The following PAFAH1B1 variants were observed in gnomAD, a reference collection of about 807,000 sequenced individuals.
The protein encoded by PAFAH1B1 is platelet activating factor acetylhydrolase 1b regulatory subunit 1.
A neutral mutation model predicts 57.5 loss-of-function variants in PAFAH1B1; 2 were observed. The ratio of observed to expected loss-of-function variants is 0.03; its 90% CI spans 0.01 to 0.11. The LOEUF (loss-of-function observed/expected upper bound fraction) is 0.11. Among genes scored for constraint, PAFAH1B1 ranks in the 10% least tolerant of loss-of-function variants. PAFAH1B1 has a pLI of 1.00. For synonymous variants in PAFAH1B1, 152 were observed against 169.6 expected (o/e 0.90, Z 0.81); for missense variants, 257 against 512.0 (o/e 0.50, Z 4.81).
At chr17:2,675,418 ATCTTC>A (rs999383529) in intron 8 of PAFAH1B1, among the ~76,000 whole-genome samples, 54 of 152,262 alleles carry the variant, frequency 3.5e-4, no homozygotes, top group African/African-American at 1.3e-3. Flanking sequence ...TTCTAAATGA[ATCTTC>A]TCTTGTGAGT....
rs187878265 is a variant in PAFAH1B1 at position 2,593,891 on chromosome 17, C to A, written c.-306C>A. ...GGGCCCGGGCCCAGCGCGCCATCCT[C>A]CCCCCTCCTTCCCTCCCTCCCTCCT... On this transcript the variant is annotated 5_prime_UTR_variant, in exon 1 of 11. Coordinates refer to ENST00000397195, the MANE Select transcript of PAFAH1B1 (RefSeq NM_000430.4). 3.1e-3 allele frequency: 908 copies of A among 290,020 alleles called. 11 individuals carry two copies. The highest frequency in any genetic ancestry group is 0.02 in the African/African-American group (852 of 43,578). The allele number at this position is 290,020 out of a possible 1,614,324, so 18.0% of individuals were successfully genotyped here. A position where few individuals can be genotyped will look rare whatever the true frequency, so the allele number is the denominator to read the frequency against.
intron 2 of PAFAH1B1, among the ~76,000 whole-genome samples, chr17:2,654,430 C>A (rs535386382): frequency 6.6e-6 from 1 of 152,046 alleles, no homozygotes; most frequent in Non-Finnish European, 1.5e-5. Context: ...CCGCCTCAGC[C>A]TCTCAAAGTG....
intron 2 of PAFAH1B1, among the ~76,000 whole-genome samples, chr17:2,652,999 A>C (rs2068885087): frequency 6.6e-6 from 1 of 152,222 alleles, no homozygotes; most frequent in Admixed American, 6.5e-5. Context: ...TGTTCACAAT[A>C]GCAAAGACTT....
At chr17:2,662,886 G>A (rs1014757988) in intron 2 of PAFAH1B1, among the ~76,000 whole-genome samples, 2 of 152,056 alleles carry the variant, frequency 1.3e-5, no homozygotes, top group South Asian at 4.1e-4. Context: ...CAAGGTGGGC[G>A]GATCACCTGA....
intron 10 of PAFAH1B1, 25 bp downstream of exon 10, chr17:2,680,345 G>T: frequency 6.2e-7 from 1 of 1,609,412 alleles, no homozygotes; most frequent in South Asian, 1.1e-5. Context: ...CGAGGTCTCT[G>T]AACATTAGAT....
At chr17:2,652,397 A>G (rs1880125619) in intron 2 of PAFAH1B1, among the ~76,000 whole-genome samples, 2 of 152,254 alleles carry the variant, frequency 1.3e-5, no homozygotes, top group South Asian at 4.1e-4. Flanking sequence ...CCTGGGCGGC[A>G]GAGCGAGACT....
In PAFAH1B1 at chr17:2,621,605, GTCTTT is replaced by G. The variant is rs2068422388; in HGVS notation, c.-190-16492_-190-16488del. On this transcript the variant is annotated intron_variant, in intron 1 of 10. Transcript: ENST00000397195. Reference sequence around the variant, plus strand: ...GCTATTCAAGCATGGTAGATAATCTGTCTTTTTTTTTTTTTTTTTTTTTTTTTTTT... The same window carrying G: ...GCTATTCAAGCATGGTAGATAATCTGTTTTTTTTTTTTTTTTTTTTTTTTT... Among the ~76,000 whole-genome samples the G allele has an allele frequency of 5.3e-4, 49 of 93,230 alleles. 9 individuals carry two copies. Among genetic ancestry groups the G allele is most frequent in the South Asian group, 1.7e-3 (5 of 2,870 alleles). The allele number at this position is 93,230 out of a possible 152,430, so 61.2% of individuals were successfully genotyped here. A position where few individuals can be genotyped will look rare whatever the true frequency, so the allele number is the denominator to read the frequency against.
chr17:2,658,689 T>G (rs1271015504), intron 2 of PAFAH1B1, among the ~76,000 whole-genome samples: 2 of 152,232 alleles, frequency 1.3e-5, no homozygotes, highest in Non-Finnish European at 2.9e-5. Flanking sequence ...TACATTCTTC[T>G]TCACTTTGTC....
chr17:2,658,486 G>A (rs189466203), intron 2 of PAFAH1B1, among the ~76,000 whole-genome samples: 1 of 152,272 alleles, frequency 6.6e-6, no homozygotes, highest in Admixed American at 6.5e-5. Context: ...AAAAAGTGCA[G>A]TGTGATATAC....
At chr17:2,680,041 T>C (rs2069354877) in intron 9 of PAFAH1B1, 123 bp from the exon 10 acceptor site, 1 of 912,460 alleles carries the variant, frequency 1.1e-6, no homozygotes, top group Admixed American at 1.9e-5. Flanking sequence ...TAGAATCCCC[T>C]AGACTTTTAT....
intron 1 of PAFAH1B1, among the ~76,000 whole-genome samples, chr17:2,622,351 T>C (rs1256441760): frequency 1.3e-5 from 2 of 152,064 alleles, no homozygotes; most frequent in African/African-American, 4.8e-5. Context: ...AAAAGCAAAC[T>C]AGTTACTTCC....
intron 2 of PAFAH1B1, among the ~76,000 whole-genome samples, chr17:2,664,430 G>C (rs531703763): frequency 1.1e-4 from 16 of 149,754 alleles, no homozygotes; most frequent in African/African-American, 3.2e-4. Flanking sequence ...TTTTGAGAAG[G>C]AATCTTGCTC....
chr17:2,665,514 A>C (rs1412745425), intron 3 of PAFAH1B1, 58 bp downstream of exon 3: 2 of 991,852 alleles, frequency 2.0e-6, no homozygotes, highest in Non-Finnish European at 3.2e-6. Flanking sequence ...TCACTCAAGT[A>C]TCTGTAGTTA....
chr17:2,637,163 C>T (rs1396181748), intron 1 of PAFAH1B1, among the ~76,000 whole-genome samples: 2 of 152,076 alleles, frequency 1.3e-5, no homozygotes, highest in African/African-American at 2.4e-5. Context: ...ATTGGTTGTC[C>T]CACAGGATCT....
At chr17:2,677,152 C>G (rs925747024) in intron 9 of PAFAH1B1, among the ~76,000 whole-genome samples, 14 of 151,638 alleles carry the variant, frequency 9.2e-5, no homozygotes, top group African/African-American at 3.4e-4. Context: ...GACTCCATCT[C>G]AAAAAAAATA....
At chr17:2,661,446 A>G (rs573910166) in intron 2 of PAFAH1B1, among the ~76,000 whole-genome samples, 49 of 152,164 alleles carry the variant, frequency 3.2e-4, no homozygotes, top group Admixed American at 1.2e-3. Context: ...TGTTTTTGTC[A>G]GGTTTGTTGA....
At position 2,629,899 on chromosome 17, in the gene PAFAH1B1, C is replaced by T. The variant is rs541836514; in HGVS notation, c.-190-8200C>T. Among the ~76,000 whole-genome samples the T allele has an allele frequency of 4.6e-5, 7 of 152,250 alleles. No homozygotes were observed. In the East Asian group the frequency reaches 9.6e-4, roughly 21 times the overall value. ...TTTGTTTTGTCTGATATGAGAATAG[C>T]TGCCCCTGCTTGCTTTTGGTGTCCA... On this transcript the variant is annotated intron_variant, in intron 1 of 10. Transcript: ENST00000397195.
chr17:2,604,764 C>T (rs1488447972), intron 1 of PAFAH1B1, among the ~76,000 whole-genome samples: 1 of 151,916 alleles, frequency 6.6e-6, no homozygotes, highest in African/African-American at 2.4e-5. Flanking sequence ...GCCGAGATGG[C>T]GGCCACTGCA....
intron 1 of PAFAH1B1, among the ~76,000 whole-genome samples, chr17:2,620,983 A>T (rs1474259133): frequency 1.3e-5 from 2 of 152,200 alleles, no homozygotes; most frequent in Non-Finnish European, 2.9e-5. Context: ...CCTTTAATAG[A>T]TTGTGTACAA....
Sources: allele counts gnomAD v4.1 joint callset (sites outside exome capture counted in the v4.1 genomes callset), GRCh38; gene constraint gnomAD v4.1.1; transcripts MANE v1.5; gene names NCBI Gene and HGNC (gene_info 2026-07-23, HGNC 2026-07-21).